The following FHOD3 variants were observed in gnomAD, a reference collection of about 807,000 sequenced individuals.
FHOD3 encodes formin homology 2 domain containing 3.
In FHOD3, 90 loss-of-function variants were observed where a neutral mutation model predicts 173.0. That is an observed-to-expected ratio of 0.52 (90% confidence interval 0.44 to 0.62). The LOEUF (loss-of-function observed/expected upper bound fraction) is 0.62. Ranked by LOEUF, FHOD3 falls within the 20% of genes least tolerant of loss-of-function variation. The probability of loss-of-function intolerance (pLI) is 0.00; values close to 1 mark genes in which losing one functional copy is unlikely to be tolerated. For missense variants in FHOD3, 1,945 were observed against 2,034.7 expected (o/e 0.96, Z 0.85); for synonymous variants, 828 against 823.0 (o/e 1.01, Z -0.10).
intron 3 of FHOD3, among the ~76,000 whole-genome samples, chr18:36,430,140 G>C (rs1262913399): frequency 2.6e-5 from 4 of 152,192 alleles, no homozygotes; most frequent in Non-Finnish European, 5.9e-5. Context: ...CAGCCCCTTG[G>C]TGTTAATGAT....
At chr18:36,631,473 G>A (rs956832494) in intron 10 of FHOD3, among the ~76,000 whole-genome samples, 2 of 151,972 alleles carry the variant, frequency 1.3e-5, no homozygotes, top group African/African-American at 4.9e-5. Flanking sequence ...GTAAAATGAA[G>A]AGAGTTGTAC....
chr18:36,776,640 T>G (rs2043675527), intron 28 of FHOD3, among the ~76,000 whole-genome samples: 1 of 152,168 alleles, frequency 6.6e-6, no homozygotes, highest in African/African-American at 2.4e-5. Context: ...GGGAAGACTT[T>G]TCCATGAATA....
At chr18:36,760,900 A>C in intron 27 of FHOD3, 118 bp downstream of exon 27, 1 of 1,022,868 alleles carries the variant, frequency 9.8e-7, no homozygotes. Context: ...TCCAGTGCCA[A>C]CCTAACCACA....
chr18:36,327,368 T>C (rs1259179089), intron 1 of FHOD3, among the ~76,000 whole-genome samples: 2 of 152,274 alleles, frequency 1.3e-5, no homozygotes, highest in Admixed American at 1.3e-4. Context: ...ATTGTATAGG[T>C]ATTAGCTTGG....
At chr18:36,499,555 AAAAC>A (rs2054921850) in intron 3 of FHOD3, among the ~76,000 whole-genome samples, 1 of 152,188 alleles carries the variant, frequency 6.6e-6, no homozygotes, top group Non-Finnish European at 1.5e-5. Flanking sequence ...GTATTAGCAA[AAAAC>A]AAAGTCTTTT....
At chr18:36,509,649 A>G (rs140609768) in intron 4 of FHOD3, among the ~76,000 whole-genome samples, 1 of 152,176 alleles carries the variant, frequency 6.6e-6, no homozygotes, top group African/African-American at 2.4e-5. Context: ...AACAGGTAGG[A>G]TGATCAATGA....
chr18:36,475,118 C>G (rs2145256777), intron 3 of FHOD3, among the ~76,000 whole-genome samples: 1 of 152,088 alleles, frequency 6.6e-6, no homozygotes, highest in African/African-American at 2.4e-5. Flanking sequence ...GTAAAGTGTT[C>G]TGACTTGCAG....
intron 3 of FHOD3, among the ~76,000 whole-genome samples, chr18:36,451,306 G>A (rs748390218): frequency 7.9e-5 from 12 of 152,172 alleles, no homozygotes; most frequent in Non-Finnish European, 1.5e-4. Flanking sequence ...TGTTAAAATA[G>A]CTGATGTCAC....
intron 5 of FHOD3, among the ~76,000 whole-genome samples, chr18:36,532,331 A>G (rs978463596): frequency 6.6e-6 from 1 of 152,160 alleles, no homozygotes; most frequent in African/African-American, 2.4e-5. Context: ...TCCAGGACCC[A>G]TACGCTCCTC....
At chr18:36,402,147 G>A (rs79181754) in intron 3 of FHOD3, among the ~76,000 whole-genome samples, 10 of 152,178 alleles carry the variant, frequency 6.6e-5, no homozygotes, top group Admixed American at 1.3e-4. Flanking sequence ...GGCAAGGTGC[G>A]AGAGAAGTAC....
At chr18:36,648,483 C>T (rs1032194558) in intron 10 of FHOD3, among the ~76,000 whole-genome samples, 2 of 152,146 alleles carry the variant, frequency 1.3e-5, no homozygotes, top group Admixed American at 6.5e-5. Context: ...CAATTGAAAC[C>T]ACCCTAAGCA....
intron 19 of FHOD3, among the ~76,000 whole-genome samples, chr18:36,722,878 C>G (rs949180285): frequency 6.6e-6 from 1 of 152,186 alleles, no homozygotes; most frequent in African/African-American, 2.4e-5. Context: ...TTTGATTTTC[C>G]TGAGAGGAGA....
intron 15 of FHOD3, among the ~76,000 whole-genome samples, chr18:36,685,800 T>C (rs1411896856): frequency 6.6e-6 from 1 of 152,230 alleles, no homozygotes; most frequent in East Asian, 1.9e-4. Context: ...CAGTGAGAGA[T>C]GACTAACCAC....
At chr18:36,750,048 G>C (rs1193807346) in intron 24 of FHOD3, among the ~76,000 whole-genome samples, 1 of 150,738 alleles carries the variant, frequency 6.6e-6, no homozygotes, top group Non-Finnish European at 1.5e-5. Context: ...CCAGCATTTT[G>C]GGGGGCCAAG....
At chr18:36,592,593 C>T (rs2059260296) in intron 6 of FHOD3, among the ~76,000 whole-genome samples, 1 of 152,160 alleles carries the variant, frequency 6.6e-6, no homozygotes, top group Non-Finnish European at 1.5e-5. Flanking sequence ...AAGGAGGGTG[C>T]AGTGTTCACT....
intron 5 of FHOD3, among the ~76,000 whole-genome samples, chr18:36,554,891 A>G (rs1199498381): frequency 3.3e-5 from 5 of 152,182 alleles, no homozygotes; most frequent in African/African-American, 4.8e-5. Context: ...CTTATTTTAT[A>G]TCTGCAGAAT....
intron 28 of FHOD3, chr18:36,779,155 G>T: frequency 2.3e-6 from 1 of 437,426 alleles, no homozygotes; most frequent in Non-Finnish European, 4.1e-6. Flanking sequence ...TCGTGAGGGT[G>T]AGCCTCTCCT....
At chr18:36,540,041 C>T (rs2057144535) in intron 5 of FHOD3, among the ~76,000 whole-genome samples, 1 of 152,140 alleles carries the variant, frequency 6.6e-6, no homozygotes, top group Non-Finnish European at 1.5e-5. Context: ...TTCCAACAAG[C>T]ATATTTTCCA....
intron 2 of FHOD3, among the ~76,000 whole-genome samples, chr18:36,360,075 C>T (rs1203136402): frequency 6.6e-6 from 1 of 152,204 alleles, no homozygotes; most frequent in Admixed American, 6.5e-5. Context: ...ACTCTTTTGC[C>T]TGTTGCTACC....
Sources: gnomAD v4.1 joint callset for allele counts (sites outside exome capture counted in the v4.1 genomes callset) on GRCh38, gnomAD v4.1.1 for gene constraint, MANE v1.5 for transcripts, NCBI Gene and HGNC (gene_info 2026-07-23, HGNC 2026-07-21) for gene names.